The following CC2D2A variants were observed in gnomAD, a reference collection of about 807,000 sequenced individuals.
CC2D2A encodes coiled-coil and C2 domain containing 2A, also known as coiled-coil and C2 domain-containing protein 2A.
In CC2D2A, 155 loss-of-function variants were observed where a neutral mutation model predicts 212.9. The ratio of observed to expected loss-of-function variants is 0.73; its 90% confidence interval spans 0.64 to 0.83. The LOEUF (loss-of-function observed/expected upper bound fraction) is 0.83. CC2D2A is among the 40% of genes least tolerant of loss of function. The pLI, the probability that CC2D2A is intolerant of heterozygous loss-of-function variation, is 0.00. For missense variants in CC2D2A, 1,856 were observed against 1,956.2 expected, an observed-to-expected ratio of 0.95 and a Z score of 0.97; for synonymous variants, 667 against 686.5, an observed-to-expected ratio of 0.97 and a Z score of 0.44.
chr4:15,563,580 G>A lies in CC2D2A; in HGVS notation c.3182+58G>A, dbSNP rs142634800. The A allele has an allele frequency of 3.3e-4, 506 of 1,544,208 alleles. 1 individual carries two copies. Among genetic ancestry groups the A allele is most frequent in the African/African-American group, 2.3e-3 (166 of 73,522 alleles). ...GTGCAGCATCCCAGCCAAGTCAATC[G>A]CTCCTTTACAGCATACTCACTCTCA... is the stretch of plus-strand genomic sequence containing the variant. On this transcript the variant is annotated intron_variant, in intron 24 of 36. Coordinates refer to ENST00000424120, the MANE Select transcript of CC2D2A (RefSeq NM_001378615.1).
intron 24 of CC2D2A, among the ~76,000 whole-genome samples, chr4:15,566,396 G>C (rs1194951606): frequency 6.6e-6 from 1 of 152,150 alleles, no homozygotes; most frequent in African/African-American, 2.4e-5. Context: ...GGGCAGGCTG[G>C]TCAGGAAGCT....
At chr4:15,510,293 A>T in intron 7 of CC2D2A, 53 bp downstream of exon 7, 2 of 1,491,728 alleles carry the variant, frequency 1.3e-6, no homozygotes, top group Non-Finnish European at 9.3e-7. Flanking sequence ...TTTTACAAAT[A>T]TCCAATGACA....
Position 15,469,994 on chromosome 4 carries a change from G to A in CC2D2A, c.-82G>A, listed in dbSNP as rs1035104349. The A allele has an allele frequency of 6.6e-6, 1 of 152,120 alleles. No homozygotes were observed. The highest frequency in any genetic ancestry group is 2.4e-5 in the African/African-American group (1 of 41,404). 9.4% of individuals were successfully genotyped at this position (152,120 alleles called of 1,614,324 possible). On this transcript the variant is annotated 5_prime_UTR_variant, in exon 1 of 37. Transcript: ENST00000424120. ...CCCTTTTAAAAGATTCAACAGCACCGTCTCTCTCCACTTCCATCCTAGAAT... is the reference window on the plus strand; with the variant it reads ...CCCTTTTAAAAGATTCAACAGCACCATCTCTCTCCACTTCCATCCTAGAAT...
intron 11 of CC2D2A, among the ~76,000 whole-genome samples, chr4:15,525,905 ATG>A (rs1717486509): frequency 6.6e-6 from 1 of 152,174 alleles, no homozygotes; most frequent in South Asian, 2.1e-4. Flanking sequence ...AATTATTGGA[ATG>A]TGGGGTAATG....
chr4:15,473,239 T>C (rs1648641141), intron 1 of CC2D2A: 1 of 152,196 alleles, frequency 6.6e-6, no homozygotes, highest in South Asian at 2.1e-4. Flanking sequence ...CTAATGGATA[T>C]GGGCTGACAT....
At chr4:15,540,001 G>A (rs996595606) in intron 16 of CC2D2A, among the ~76,000 whole-genome samples, 5 of 152,124 alleles carry the variant, frequency 3.3e-5, no homozygotes, top group Non-Finnish European at 7.3e-5. Context: ...TAGTGGTGAT[G>A]GTTAGACAAC....
At chr4:15,523,523 G>A (rs1717330188) in intron 11 of CC2D2A, among the ~76,000 whole-genome samples, 1 of 152,164 alleles carries the variant, frequency 6.6e-6, no homozygotes, top group South Asian at 2.1e-4. Context: ...TTAATCTGCT[G>A]CGTTCTAAGC....
At chr4:15,574,465 T>A in intron 29 of CC2D2A, 139 bp downstream of exon 29, 1 of 652,300 alleles carries the variant, frequency 1.5e-6, no homozygotes, top group East Asian at 2.9e-5. Flanking sequence ...TCTTTCAGTT[T>A]AGATAGAATG....
In CC2D2A at chr4:15,574,324, A is replaced by G; in HGVS notation, c.3769A>G (p.Lys1257Glu). The G allele has an allele frequency of 1.3e-6, 2 of 1,547,546 alleles. No individual in the cohort carries two copies. Among genetic ancestry groups the G allele is most frequent in the Non-Finnish European group, 1.7e-6 (2 of 1,144,996 alleles). The change falls in exon 29 of 37, where the codon AAG becomes GAG. Residue 1257 changes from lysine to glutamate, a missense_variant and splice_region_variant. Lys to Glu is a moderately conservative substitution (Grantham distance 56). This residue lies in a region of CC2D2A where 1,512 missense variants were observed against 1,579.3 expected (regional missense o/e 0.96). Transcript: ENST00000424120. ...QLVPGESIREKFESQEDEKLL... is the reference protein window; with the variant it reads ...QLVPGESIREEFESQEDEKLL... Reference sequence around the variant, plus strand: ...GGTTCCTGGAGAGTCCATTCGAGAAAAGGTAACTACTTATAGTTTGGAAAC... The same window carrying G: ...GGTTCCTGGAGAGTCCATTCGAGAAGAGGTAACTACTTATAGTTTGGAAAC...
intron 30 of CC2D2A, among the ~76,000 whole-genome samples, chr4:15,584,061 ATTG>A (rs907295420): frequency 2.7e-4 from 41 of 152,252 alleles, no homozygotes; most frequent in African/African-American, 9.6e-4. Context: ...AAGAATTAAT[ATTG>A]TTAATATATC....
At chr4:15,541,057 A>C in intron 17 of CC2D2A, 43 bp downstream of exon 17, 16 of 1,453,694 alleles carry the variant, frequency 1.1e-5, no homozygotes, top group African/African-American at 1.4e-5. Flanking sequence ...ACTGTGGCTC[A>C]TGCCTGTACT....
chr4:15,552,577 TTACA>T (rs1485270336), intron 18 of CC2D2A, among the ~76,000 whole-genome samples: 1 of 152,192 alleles, frequency 6.6e-6, no homozygotes, highest in Non-Finnish European at 1.5e-5. Flanking sequence ...ACTAACATAC[TTACA>T]TACAGTCTCT....
intron 17 of CC2D2A, among the ~76,000 whole-genome samples, chr4:15,543,339 C>A (rs1047716169): frequency 6.6e-6 from 1 of 151,608 alleles, no homozygotes; most frequent in South Asian, 2.1e-4. Flanking sequence ...TGAAAAAAAA[C>A]AAACTTTTTT....
chr4:15,500,105 GTGTATATATA>G (rs889079402), intron 4 of CC2D2A, among the ~76,000 whole-genome samples: 2 of 66,876 alleles, frequency 3.0e-5, no homozygotes, highest in South Asian at 5.3e-4. Context: ...GTGTGTGTGT[GTGTATATATA>G]TATATATATA....
intron 6 of CC2D2A, among the ~76,000 whole-genome samples, chr4:15,505,409 T>C (rs1154578): frequency 0.43 from 65,388 of 151,928 alleles, 14,937 homozygotes; most frequent in East Asian, 0.73. Context: ...GGTTCCCTGT[T>C]TCAGGTTACC....
intron 36 of CC2D2A, 28 bp downstream of exon 36, chr4:15,599,734 C>T (rs1721496798): frequency 6.5e-7 from 1 of 1,534,312 alleles, no homozygotes; most frequent in African/African-American, 1.4e-5. Flanking sequence ...CCTAAACTGA[C>T]TGTGGATTTC....
At chr4:15,563,266 G>A (rs1458119337) in intron 23 of CC2D2A, 89 bp from the exon 24 acceptor site, 1 of 1,323,024 alleles carries the variant, frequency 7.6e-7, no homozygotes, top group Non-Finnish European at 1.0e-6. Context: ...GGCGTGTGCA[G>A]GACCATGGGG....
chr4:15,590,713 A>G (rs1721064753), intron 33 of CC2D2A, among the ~76,000 whole-genome samples: 1 of 152,186 alleles, frequency 6.6e-6, no homozygotes. Context: ...CACCTAACAG[A>G]GTAACAACTC....
At chr4:15,503,657 GA>G (rs1212586105) in intron 6 of CC2D2A, among the ~76,000 whole-genome samples, 1 of 152,192 alleles carries the variant, frequency 6.6e-6, no homozygotes, top group Non-Finnish European at 1.5e-5. Context: ...TCACATTCAG[GA>G]GCCTCGGTAG....
Sources: allele counts gnomAD v4.1 joint callset (sites outside exome capture counted in the v4.1 genomes callset), GRCh38; gene constraint gnomAD v4.1.1; regional missense constraint gnomAD v4.1.1; transcripts MANE v1.5; gene names NCBI Gene and HGNC (gene_info 2026-07-23, HGNC 2026-07-21).